ADARB1: variants seen among roughly 807,000 people sequenced by gnomAD.
The protein encoded by ADARB1 is double-stranded RNA-specific editase 1.
Under a neutral mutation model 52.4 loss-of-function variants are expected in ADARB1, and 10 were observed. The observed-to-expected ratio is 0.19, with a 90% CI of 0.12 to 0.32. The LOEUF (loss-of-function observed/expected upper bound fraction) is 0.32. Ranked by LOEUF, ADARB1 falls within the 10% of genes least tolerant of loss-of-function variation. The pLI, the probability that ADARB1 is intolerant of heterozygous loss-of-function variation, is 1.00. For synonymous variants in ADARB1, 349 were observed against 371.1 expected, an observed-to-expected ratio of 0.94 and a Z score of 0.68; for missense variants, 643 against 922.3, an observed-to-expected ratio of 0.70 and a Z score of 3.92.
chr21:45,173,094 C>T (rs745665778), intron 3 of ADARB1, among the ~76,000 whole-genome samples: 1 of 152,252 alleles, frequency 6.6e-6, no homozygotes, highest in Non-Finnish European at 1.5e-5. Flanking sequence ...AGTCACCTCG[C>T]ATAGACAGAG....
At chr21:45,213,193 T>G (rs1388422866) in intron 9 of ADARB1, among the ~76,000 whole-genome samples, 4 of 152,226 alleles carry the variant, frequency 2.6e-5, no homozygotes, top group African/African-American at 4.8e-5. Context: ...TGCTTATTGT[T>G]TAAAGCTTCA....
intron 9 of ADARB1, among the ~76,000 whole-genome samples, chr21:45,209,824 TG>T (rs1288440132): frequency 6.6e-6 from 1 of 152,262 alleles, no homozygotes; most frequent in African/African-American, 2.4e-5. Flanking sequence ...AGTTTCCTTC[TG>T]TCCTGTCACT....
At chr21:45,112,089 A>G (rs536016994) in intron 1 of ADARB1, among the ~76,000 whole-genome samples, 3 of 152,116 alleles carry the variant, frequency 2.0e-5, no homozygotes, top group African/African-American at 4.8e-5. Context: ...TACTAGTGAG[A>G]TTGAGCTTTT....
At chr21:45,203,422 C>T (rs536669097) in intron 8 of ADARB1, among the ~76,000 whole-genome samples, 1 of 152,192 alleles carries the variant, frequency 6.6e-6, no homozygotes, top group Non-Finnish European at 1.5e-5. Context: ...CTTCATTTGT[C>T]TTTTTATTGC....
chr21:45,221,153 C>T lies in ADARB1; in HGVS notation c.1926+139C>T, dbSNP rs2092958366. ...AAACGATCACTTGGAATGATTCTTC[C>T]TTCAGATTGTTTTAGCTTAGAAGTG... On this transcript the variant is annotated intron_variant, in intron 10 of 10. Transcript: ENST00000348831. This position sits in a 1 kb window ranked among gnomAD's most constrained non-coding sequence, Gnocchi z 4.9. 1 of 1,111,176 alleles carries T rather than the reference C, an allele frequency of 9.0e-7. No individual in the cohort carries two copies. Among genetic ancestry groups the T allele is most frequent in the Non-Finnish European group, 1.3e-6 (1 of 797,536 alleles). 68.8% of individuals were successfully genotyped at this position (1,111,176 alleles called of 1,614,324 possible).
chr21:45,110,279 G>A (rs920664680), intron 1 of ADARB1, among the ~76,000 whole-genome samples: 30 of 152,126 alleles, frequency 2.0e-4, no homozygotes, highest in African/African-American at 6.5e-4. Flanking sequence ...TTCCATTCAC[G>A]AAACAAACCT....
chr21:45,171,562 T>TA, intron 2 of ADARB1, 48 bp from the exon 3 acceptor site: 6 of 1,156,654 alleles, frequency 5.2e-6, no homozygotes, highest in Non-Finnish European at 7.7e-6. Context: ...TACTTCATAT[T>TA]ACTCCTGTCA....
intron 2 of ADARB1, among the ~76,000 whole-genome samples, chr21:45,148,894 T>A (rs113498183): frequency 1.2e-3 from 178 of 152,350 alleles, no homozygotes; most frequent in African/African-American, 4.1e-3. Context: ...CGTCCCTGAC[T>A]GGCCTGAGGT....
At position 45,170,321 on chromosome 21, in the gene ADARB1, G is replaced by T. The variant is rs1004232070; in HGVS notation, c.-47-1289G>T. Among the ~76,000 whole-genome samples, 8 of 152,342 alleles carry T rather than the reference G, an allele frequency of 5.3e-5. No individual in the cohort carries two copies. The South Asian group carries it at 1.7e-3, about 32-fold the overall frequency. On this transcript the variant is annotated intron_variant, in intron 2 of 10. Coordinates refer to ENST00000348831, the MANE Select transcript of ADARB1 (RefSeq NM_001112.4). ...CTTAATATAATCAGCTGTTCAGGCA[G>T]TATTTACATTTAAGTTTCTCAGAAT...
chr21:45,218,941 T>G (rs1366977187), intron 9 of ADARB1, among the ~76,000 whole-genome samples: 1 of 152,228 alleles, frequency 6.6e-6, no homozygotes, highest in Non-Finnish European at 1.5e-5. Context: ...ATAACATCCA[T>G]GTGATATGAA....
intron 8 of ADARB1, among the ~76,000 whole-genome samples, chr21:45,187,342 T>C (rs2092142822): frequency 6.6e-6 from 1 of 152,240 alleles, no homozygotes. Flanking sequence ...GAAATGCAAC[T>C]GATTTTTGTG....
At chr21:45,155,949 C>A (rs1341248073) in intron 2 of ADARB1, among the ~76,000 whole-genome samples, 1 of 38,556 alleles carries the variant, frequency 2.6e-5, no homozygotes, top group African/African-American at 9.6e-5. Flanking sequence ...CCCCATCATC[C>A]ATCATCCAGC....
intron 2 of ADARB1, among the ~76,000 whole-genome samples, chr21:45,152,917 A>T (rs2090371783): frequency 6.6e-6 from 1 of 152,232 alleles, no homozygotes; most frequent in African/African-American, 2.4e-5. Context: ...ACATGTCTGT[A>T]AACATGAATA....
intron 2 of ADARB1, among the ~76,000 whole-genome samples, chr21:45,129,944 C>T (rs1241018694): frequency 6.6e-6 from 1 of 152,080 alleles, no homozygotes; most frequent in Non-Finnish European, 1.5e-5. Flanking sequence ...TATCTTCAAC[C>T]GATGCTTTTT....
In ADARB1 at chr21:45,142,050, C is replaced by T. The variant is rs1485031829; in HGVS notation, c.-48+13477C>T. On this transcript the variant is annotated intron_variant, in intron 2 of 10. Transcript: ENST00000348831. The surrounding 1 kb of genome is among the most constrained non-coding windows in gnomAD (Gnocchi z 4.0). ...CACCCCTGGGCCACTGTAGCCACCT[C>T]TGGGTGTCCTTAGCCACCCCCGGGC... Among the ~76,000 whole-genome samples, 1 of 152,102 alleles carries T rather than the reference C, an allele frequency of 6.6e-6. No individual in the cohort carries two copies. The highest frequency in any genetic ancestry group is 1.5e-5 in the Non-Finnish European group (1 of 68,012).
At chr21:45,120,684 C>T (rs1458166460) in intron 1 of ADARB1, 1 of 152,278 alleles carries the variant, frequency 6.6e-6, no homozygotes, top group East Asian at 1.9e-4. Flanking sequence ...CCAGCAAGGG[C>T]AGGAATGTGG....
intron 2 of ADARB1, among the ~76,000 whole-genome samples, chr21:45,169,195 G>A (rs73384776): frequency 0.011 from 1,620 of 152,318 alleles, 35 homozygotes; most frequent in African/African-American, 0.037. Flanking sequence ...AAGGGAAGGG[G>A]TTGTTAGAGC....
intron 1 of ADARB1, among the ~76,000 whole-genome samples, chr21:45,076,537 G>C (rs1228837018): frequency 6.6e-6 from 1 of 152,194 alleles, no homozygotes; most frequent in African/African-American, 2.4e-5. Flanking sequence ...AGGGACAGGG[G>C]CTTAAAAATA....
In ADARB1 at chr21:45,200,443, C is replaced by G. The variant is rs540761656; in HGVS notation, c.1566-4112C>G. 3.6e-4 allele frequency among the ~76,000 whole-genome samples: 55 copies of G among 152,332 alleles called. No individual in the cohort carries two copies. The highest frequency in any genetic ancestry group is 1.2e-3 in the African/African-American group (50 of 41,568). ...AGATGACCTCGGCCTGTGTCCTCAG[C>G]TGCACAGAGCTGTGGGAACAAACAA... On this transcript the variant is annotated intron_variant, in intron 8 of 10. Transcript: ENST00000348831. This position sits in a 1 kb window ranked among gnomAD's most constrained non-coding sequence, Gnocchi z 5.0.
Sources: gnomAD v4.1 joint callset for allele counts (sites outside exome capture counted in the v4.1 genomes callset) on GRCh38, gnomAD v4.1.1 for gene constraint, Gnocchi (gnomAD v3.1) non-coding constraint, MANE v1.5 for transcripts, NCBI Gene and HGNC (gene_info 2026-07-23, HGNC 2026-07-21) for gene names.